TSPAN11: variants seen among roughly 807,000 people sequenced by gnomAD.
The protein encoded by TSPAN11 is tetraspanin 11.
Under a neutral mutation model 32.9 loss-of-function variants are expected in TSPAN11, and 29 were observed. The ratio of observed to expected loss-of-function variants is 0.88; its 90% confidence interval spans 0.66 to 1.20. TSPAN11 has a LOEUF of 1.20. TSPAN11 is among the 50% of genes most tolerant of loss of function. The probability of loss-of-function intolerance (pLI) is 0.00; values close to 1 mark genes in which losing one functional copy is unlikely to be tolerated. For synonymous variants in TSPAN11, 140 were observed against 141.3 expected (o/e 0.99, Z 0.07); for missense variants, 283 against 329.1 (o/e 0.86, Z 1.08).
intron 1 of TSPAN11, among the ~76,000 whole-genome samples, chr12:30,953,030 G>A (rs1403239256): frequency 1.3e-5 from 2 of 152,260 alleles, no homozygotes; most frequent in Non-Finnish European, 1.5e-5. Flanking sequence ...AGGCACAGTA[G>A]GCCCTCTCTG....
At chr12:30,974,594 C>A (rs142414448) in intron 3 of TSPAN11, among the ~76,000 whole-genome samples, 75 of 152,346 alleles carry the variant, frequency 4.9e-4, no homozygotes, top group African/African-American at 1.8e-3. Context: ...ACTCCTGCGT[C>A]TTTATCAGGG....
chr12:30,979,664 G>A lies in TSPAN11; in HGVS notation c.450G>A (p.Gln150=). The change falls in exon 5 of 8, where the codon CAG becomes CAA. Residue 150 remains glutamine, a synonymous_variant. Coordinates refer to ENST00000546076, the MANE Select transcript of TSPAN11 (RefSeq NM_001370302.1). Reference sequence around the variant, plus strand: ...TCACCGCCTCAGTGGACCGACTCCAGCAGGATGTAAGCCATGCCCCATATG... The same window carrying A: ...TCACCGCCTCAGTGGACCGACTCCAACAGGATGTAAGCCATGCCCCATATG... The part of the protein sequence containing the change: ...TQITASVDRL[Q]QDFKCCGSNS... The A allele has an allele frequency of 1.2e-6, 2 of 1,614,168 alleles. No individual in the cohort carries two copies. Among genetic ancestry groups the A allele is most frequent in the East Asian group, 2.2e-5 (1 of 44,874 alleles).
intron 1 of TSPAN11, among the ~76,000 whole-genome samples, chr12:30,947,265 G>T (rs1292129373): frequency 6.6e-6 from 1 of 152,188 alleles, no homozygotes; most frequent in Non-Finnish European, 1.5e-5. Flanking sequence ...CAGGAGGAGG[G>T]CTGGAAGTGG....
At chr12:30,987,608 A>G (rs1259563525) in intron 7 of TSPAN11, among the ~76,000 whole-genome samples, 1 of 150,920 alleles carries the variant, frequency 6.6e-6, no homozygotes, top group Admixed American at 6.6e-5. Context: ...GTCTCAAAGA[A>G]AAAAAAAATA....
chr12:30,983,149 A>G lies in TSPAN11; in HGVS notation c.701A>G (p.Gln234Arg), dbSNP rs1466105600. 6.2e-7 allele frequency: 1 copy of G among 1,611,392 alleles called. No homozygotes were observed. The highest frequency in any genetic ancestry group is 8.5e-7 in the Non-Finnish European group (1 of 1,179,392). The change falls in exon 7 of 8, where the codon CAG (glutamine) becomes CGG (arginine). Residue 234 changes from glutamine (Q) to arginine (R), a missense_variant and splice_region_variant. Gln to Arg is a conservative substitution (Grantham distance 43). Transcript: ENST00000546076. ...GAVGIGVACL[Q>R]ICGMVLTCCL... Reference sequence around the variant, plus strand: ...GTGGGCATCGGGGTGGCCTGCCTGCAGGTGAGTTGCAGTGCGGGGACTGGT... The same window carrying G: ...GTGGGCATCGGGGTGGCCTGCCTGCGGGTGAGTTGCAGTGCGGGGACTGGT...
intron 7 of TSPAN11, among the ~76,000 whole-genome samples, chr12:30,984,701 G>GTAAT (rs887804700): frequency 1.7e-4 from 26 of 151,840 alleles, no homozygotes; most frequent in African/African-American, 6.0e-4. Flanking sequence ...TGGGATTACA[G>GTAAT]GTGCCCACCA....
chr12:30,988,270 T>C (rs59603396), intron 7 of TSPAN11, among the ~76,000 whole-genome samples: 22,323 of 152,192 alleles, frequency 0.15, 3,923 homozygotes, highest in African/African-American at 0.42. Flanking sequence ...CCACCGGCCC[T>C]GGCTGCATGC....
At chr12:30,941,739 G>A (rs981240634) in intron 1 of TSPAN11, among the ~76,000 whole-genome samples, 1 of 152,218 alleles carries the variant, frequency 6.6e-6, no homozygotes, top group Non-Finnish European at 1.5e-5. Context: ...GGCCCTGCTG[G>A]TGCTGCCTCC....
intron 1 of TSPAN11, among the ~76,000 whole-genome samples, chr12:30,945,256 T>G (rs1417829617): frequency 6.6e-6 from 1 of 151,994 alleles, no homozygotes; most frequent in Non-Finnish European, 1.5e-5. Context: ...CAGGCCAGCA[T>G]CTTGAAAGCG....
downstream of TSPAN11, among the ~76,000 whole-genome samples, chr12:30,997,787 G>C (rs1013930204): frequency 1.3e-5 from 2 of 152,150 alleles, no homozygotes; most frequent in African/African-American, 4.8e-5. Flanking sequence ...GGGTGGTCAG[G>C]GGGGTGGCTG....
chr12:31,013,423 A>AT, the TSPAN11 span, among the ~76,000 whole-genome samples: 17 of 144,890 alleles, frequency 1.2e-4, no homozygotes, highest in African/African-American at 2.5e-4. Flanking sequence ...AAAAAAAAAA[A>AT]TTTTTTTTAA....
At chr12:31,000,443 CTGGTCT>C (rs1357075724), downstream of TSPAN11, among the ~76,000 whole-genome samples, 3 of 152,352 alleles carry the variant, frequency 2.0e-5, no homozygotes, top group East Asian at 3.9e-4. Flanking sequence ...AGCTCCTATC[CTGGTCT>C]AGGAACAAGC....
At chr12:30,929,991 C>A (rs914975455) in intron 1 of TSPAN11, among the ~76,000 whole-genome samples, 1 of 152,120 alleles carries the variant, frequency 6.6e-6, no homozygotes, top group African/African-American at 2.4e-5. Context: ...TGGTGGTGTT[C>A]TGTTTGGTTG....
the TSPAN11 span, among the ~76,000 whole-genome samples, chr12:31,003,391 A>G: frequency 6.6e-6 from 1 of 152,224 alleles, no homozygotes; most frequent in South Asian, 2.1e-4. Context: ...GGGTGAGCCA[A>G]GAAGGCAGTT....
chr12:30,979,768 C>T (rs1275014601), intron 5 of TSPAN11, 98 bp downstream of exon 5: 2 of 1,159,402 alleles, frequency 1.7e-6, no homozygotes, highest in Non-Finnish European at 2.5e-6. Context: ...AGTTACTTAC[C>T]CTCTCTGAGC....
At chr12:30,927,055 A>G in intron 1 of TSPAN11, 2 of 1,270,536 alleles carry the variant, frequency 1.6e-6, no homozygotes, top group Non-Finnish European at 2.0e-6. Flanking sequence ...AACTATGCGC[A>G]TGAGTCTGCC....
intron 1 of TSPAN11, among the ~76,000 whole-genome samples, chr12:30,932,600 A>C (rs1937956097): frequency 6.6e-6 from 1 of 152,146 alleles, no homozygotes; most frequent in African/African-American, 2.4e-5. Flanking sequence ...CCTACCCAAA[A>C]AAGAAGGAAG....
intron 7 of TSPAN11, among the ~76,000 whole-genome samples, chr12:30,990,211 C>T (rs1468677287): frequency 6.6e-6 from 1 of 152,162 alleles, no homozygotes; most frequent in Non-Finnish European, 1.5e-5. Context: ...ACACCTCTGC[C>T]CCTTACTGTG....
chr12:30,973,365 G>C (rs1938892602), intron 3 of TSPAN11, among the ~76,000 whole-genome samples: 1 of 152,236 alleles, frequency 6.6e-6, no homozygotes, highest in Admixed American at 6.5e-5. Context: ...ACCTGGGAAA[G>C]CTTGTACACG....
Sources: allele counts gnomAD v4.1 joint callset (sites outside exome capture counted in the v4.1 genomes callset), GRCh38; gene constraint gnomAD v4.1.1; transcripts MANE v1.5; gene names NCBI Gene and HGNC (gene_info 2026-07-23, HGNC 2026-07-21).